Variants in EXOC3L4 observed in about 807,000 individuals in gnomAD.
EXOC3L4 encodes the protein exocyst complex component 3 like 4.
EXOC3L4 carries 62 observed loss-of-function variants against 69.7 expected under a neutral mutation model. That is an observed-to-expected ratio of 0.89 (90% CI 0.72 to 1.10). EXOC3L4 has a LOEUF of 1.10. EXOC3L4 is among the 50% of genes least tolerant of loss of function. The probability of loss-of-function intolerance (pLI) is 0.00; values close to 1 mark genes in which losing one functional copy is unlikely to be tolerated. For missense variants in EXOC3L4, 1,087 were observed against 1,034.8 expected (o/e 1.05, Z -0.69); for synonymous variants, 502 against 464.2 (o/e 1.08, Z -1.05).
chr14:103,100,036 C>A, intron 1 of EXOC3L4, 168 bp from the exon 2 acceptor site: 1 of 696,918 alleles, frequency 1.4e-6, no homozygotes, highest in Non-Finnish European at 2.3e-6. Context: ...GCCTGGCACA[C>A]TGAGGGCTCT....
intron 1 of EXOC3L4, among the ~76,000 whole-genome samples, chr14:103,096,517 T>TC (rs1889895123): frequency 6.6e-6 from 1 of 151,628 alleles, no homozygotes; most frequent in South Asian, 2.1e-4. Context: ...TATATCCCGA[T>TC]CATTGTCCCT....
At chr14:103,096,367 A>G (rs1261332351) in intron 1 of EXOC3L4, among the ~76,000 whole-genome samples, 1 of 149,274 alleles carries the variant, frequency 6.7e-6, no homozygotes, top group African/African-American at 2.5e-5. Context: ...CTCTAAAAAC[A>G]ATAAACAAAG....
rs1889957641 is a variant in EXOC3L4 at position 103,097,667 on chromosome 14, A to G, written c.-16-2537A>G. 6.6e-6 allele frequency among the ~76,000 whole-genome samples: 1 copy of G among 152,198 alleles called. No homozygotes were observed. Among genetic ancestry groups the G allele is most frequent in the African/African-American group, 2.4e-5 (1 of 41,458 alleles). On this transcript the variant is annotated intron_variant, in intron 1 of 11. Coordinates refer to ENST00000688303, the MANE Select transcript of EXOC3L4 (RefSeq NM_001077594.2). This position sits in a 1 kb window ranked among gnomAD's most constrained non-coding sequence, Gnocchi z 4.9. Reference sequence around the variant, plus strand: ...GCAGGAGGGCCACATCATCACAGGGACAGTGCCGAGTACCCACTGAGCAGA... The same window carrying G: ...GCAGGAGGGCCACATCATCACAGGGGCAGTGCCGAGTACCCACTGAGCAGA...
Position 103,110,262 on chromosome 14 carries a change from A to G in EXOC3L4, c.*39A>G. ...GAGGGGGGGCCGGCCGCTGGCAGGGAGCTGTGGTCAGTGGGGGTCAGCCAG... is the reference window on the plus strand; with the variant it reads ...GAGGGGGGGCCGGCCGCTGGCAGGGGGCTGTGGTCAGTGGGGGTCAGCCAG... On this transcript the variant is annotated 3_prime_UTR_variant, in exon 12 of 12. Transcript: ENST00000688303. 1 of 1,496,708 alleles carries G rather than the reference A, an allele frequency of 6.7e-7. No individual in the cohort carries two copies. Among genetic ancestry groups the G allele is most frequent in the Non-Finnish European group, 8.9e-7 (1 of 1,124,624 alleles). The allele number at this position is 1,496,708 out of a possible 1,614,324, so 92.7% of individuals were successfully genotyped here. A position where few individuals can be genotyped will look rare whatever the true frequency, so the allele number is the denominator to read the frequency against.
chr14:103,102,070 G>A, intron 2 of EXOC3L4, 48 bp from the exon 3 acceptor site: 1 of 1,541,614 alleles, frequency 6.5e-7, no homozygotes, highest in Non-Finnish European at 8.8e-7. Context: ...GTCCAGGTTC[G>A]GGTCTTGGGG....
At chr14:103,100,048 G>T (rs1007769571) in intron 1 of EXOC3L4, 156 bp from the exon 2 acceptor site, 14 of 789,844 alleles carry the variant, frequency 1.8e-5, no homozygotes, top group Non-Finnish European at 2.5e-5. Flanking sequence ...GAGGGCTCTC[G>T]CCAAGAGAGT....
At chr14:103,100,897 G>A (rs930113588) in intron 2 of EXOC3L4, among the ~76,000 whole-genome samples, 3 of 137,380 alleles carry the variant, frequency 2.2e-5, no homozygotes, top group Admixed American at 1.6e-4. Flanking sequence ...CACTGCACCC[G>A]GCTAATTTTT....
At position 103,104,764 on chromosome 14, in the gene EXOC3L4, C is replaced by A; in HGVS notation, c.1311C>A (p.Ala437=). 6.6e-7 allele frequency: 1 copy of A among 1,521,240 alleles called. No homozygotes were observed. Among genetic ancestry groups the A allele is most frequent in the Non-Finnish European group, 8.8e-7 (1 of 1,133,110 alleles). The allele number at this position is 1,521,240 out of a possible 1,614,324, so 94.2% of individuals were successfully genotyped here. A position where few individuals can be genotyped will look rare whatever the true frequency, so the allele number is the denominator to read the frequency against. ...TCGTGGCCGAGCACGTGAAGGCGGC[C>A]GGCGCCATCTCCGCGGAGCTGGAGG... The part of the protein sequence containing the change: ...HMLVAEHVKA[A]GAISAELEAT... Residue 437 remains alanine (A), a synonymous_variant, in exon 6 of 12, where the codon GCC becomes GCA. Coordinates refer to ENST00000688303, the MANE Select transcript of EXOC3L4 (RefSeq NM_001077594.2).
intron 3 of EXOC3L4, among the ~76,000 whole-genome samples, chr14:103,103,220 T>C (rs12887310): frequency 6.6e-6 from 1 of 152,014 alleles, no homozygotes; most frequent in African/African-American, 2.4e-5. Context: ...CCGGGCATGG[T>C]GGCACGCACC....
chr14:103,104,178 C>G, intron 4 of EXOC3L4, 89 bp from the exon 5 acceptor site: 2 of 1,448,606 alleles, frequency 1.4e-6, no homozygotes, highest in Non-Finnish European at 1.8e-6. Context: ...CCGGCGCGGG[C>G]TTGTGACCCG....
intron 3 of EXOC3L4, 148 bp from the exon 4 acceptor site, chr14:103,103,793 C>CTT: frequency 8.8e-6 from 4 of 452,698 alleles, no homozygotes. Flanking sequence ...TAGAGGCGCG[C>CTT]GCGCGTGTGT....
chr14:103,109,173 C>CG (rs1248699173), intron 11 of EXOC3L4, among the ~76,000 whole-genome samples: 3 of 101,160 alleles, frequency 3.0e-5, no homozygotes, highest in East Asian at 3.1e-4. Flanking sequence ...ACCTGTCCCC[C>CG]GGTCTCCCTC....
In EXOC3L4 at chr14:103,110,127, G is replaced by C. The variant is rs374588599; in HGVS notation, c.2073G>C (p.Ala691=). 20 of 1,556,322 alleles carry C rather than the reference G, an allele frequency of 1.3e-5. No homozygotes were observed. Among genetic ancestry groups the C allele is most frequent in the Admixed American group, 2.0e-5 (1 of 51,054 alleles). The part of the protein sequence containing the change: ...LQHTQDLLRA[A]AGAAGAEAPR... ...ACACTCAAGACCTGCTGAGAGCTGC[G>C]GCCGGGGCGGCGGGTGCGGAGGCCC... is the stretch of plus-strand genomic sequence containing the variant. The change falls in exon 12 of 12, where the codon GCG becomes GCC. Residue 691 remains alanine (A), a synonymous_variant. Coordinates refer to ENST00000688303, the MANE Select transcript of EXOC3L4 (RefSeq NM_001077594.2).
chr14:103,104,335 C>A lies in EXOC3L4; in HGVS notation c.1230C>A (p.Val410=). 6.3e-7 allele frequency: 1 copy of A among 1,591,860 alleles called. No homozygotes were observed. The highest frequency in any genetic ancestry group is 2.3e-5 in the East Asian group (1 of 43,484). ...LEQSHWAAAE[V]PEVLQGLYQA... is the part of the protein sequence containing the mutation. ...AGAGTCACTGGGCGGCCGCCGAGGT[C>A]CCCGAGGTGCTGCAGGGCCTCTACC... The change falls in exon 5 of 12, where the codon GTC becomes GTA. Residue 410 remains valine, a synonymous_variant. Transcript: ENST00000688303.
rs1232759396 is a variant in EXOC3L4 at position 103,106,906 on chromosome 14, G to A, written c.1581+7G>A. On this transcript the variant is annotated splice_region_variant and intron_variant, in intron 8 of 11. Transcript: ENST00000688303. Reference sequence around the variant, plus strand: ...CTTGCAGCGTGAGTTGCAGGTGACTGTGATAGGCCCTCTCTCCCTACTTCC... The same window carrying A: ...CTTGCAGCGTGAGTTGCAGGTGACTATGATAGGCCCTCTCTCCCTACTTCC... 6 of 1,551,270 alleles carry A rather than the reference G, an allele frequency of 3.9e-6. No individual in the cohort carries two copies. The highest frequency in any genetic ancestry group is 2.4e-5 in the East Asian group (1 of 42,300).
intron 8 of EXOC3L4, among the ~76,000 whole-genome samples, chr14:103,107,115 G>A (rs1457825079): frequency 6.6e-6 from 1 of 152,140 alleles, no homozygotes; most frequent in Non-Finnish European, 1.5e-5. Context: ...AGCTCTTAGT[G>A]GTCACCCCCG....
chr14:103,103,138 C>G (rs1038347619), intron 3 of EXOC3L4, among the ~76,000 whole-genome samples: 1 of 152,076 alleles, frequency 6.6e-6, no homozygotes, highest in Non-Finnish European at 1.5e-5. Flanking sequence ...GCTGAGGCGG[C>G]CGATCACCTG....
Position 103,102,372 on chromosome 14 carries a change from G to T in EXOC3L4, c.649G>T (p.Val217Leu). The T allele has an allele frequency of 6.4e-7, 1 of 1,561,386 alleles. No individual in the cohort carries two copies. Among genetic ancestry groups the T allele is most frequent in the African/African-American group, 1.4e-5 (1 of 73,570 alleles). ...DAAALAELAR[V>L]VSAEEEAHPS... is the part of the protein sequence containing the mutation. ...GGCCGCGCTGGCCGAGCTGGCCCGC[G>T]TGGTGAGCGCGGAGGAGGAAGCCCA... Residue 217 changes from valine (V) to leucine (L), a missense_variant, in exon 3 of 12, where the codon GTG becomes TTG. Coordinates refer to ENST00000688303, the MANE Select transcript of EXOC3L4 (RefSeq NM_001077594.2).
At chr14:103,107,377 T>C (rs768837492) in intron 8 of EXOC3L4, 47 bp from the exon 9 acceptor site, 2 of 1,591,240 alleles carry the variant, frequency 1.3e-6, no homozygotes, top group African/African-American at 2.7e-5. Context: ...GGGGTTACGT[T>C]GCGGGCGTAG....
Sources: allele counts gnomAD v4.1 joint callset (sites outside exome capture counted in the v4.1 genomes callset), GRCh38; gene constraint gnomAD v4.1.1; non-coding constraint Gnocchi (gnomAD v3.1); transcripts MANE v1.5; gene names NCBI Gene and HGNC (gene_info 2026-07-23, HGNC 2026-07-21).